SLC35F3: variants seen among roughly 807,000 people sequenced by gnomAD.
The protein encoded by SLC35F3 is putative thiamine transporter SLC35F3.
In SLC35F3, 25 loss-of-function variants were observed where a neutral mutation model predicts 49.9. That is an observed-to-expected ratio of 0.50 (90% confidence interval 0.37 to 0.70). The LOEUF (loss-of-function observed/expected upper bound fraction) is 0.70, where lower values mean the gene tolerates loss of function less well. Ranked by LOEUF, SLC35F3 falls within the 30% of genes least tolerant of loss-of-function variation. The pLI is 0.00. For missense variants in SLC35F3, 525 were observed against 639.8 expected (o/e 0.82, Z 1.94); for synonymous variants, 275 against 265.4 (o/e 1.04, Z -0.35).
chr1:234,163,976 A>G (rs1255735401), intron 2 of SLC35F3, among the ~76,000 whole-genome samples: 3 of 150,826 alleles, frequency 2.0e-5, no homozygotes, highest in Non-Finnish European at 4.4e-5. Flanking sequence ...CTCAAAATAA[A>G]ATAGAAGAAA....
intron 2 of SLC35F3, among the ~76,000 whole-genome samples, chr1:234,200,276 T>C (rs1666883854): frequency 6.6e-6 from 1 of 152,370 alleles, no homozygotes; most frequent in East Asian, 1.9e-4. Context: ...TATATCTTCT[T>C]TGGGGAAATA....
At chr1:234,278,317 C>A (rs888246957) in intron 3 of SLC35F3, among the ~76,000 whole-genome samples, 1 of 152,130 alleles carries the variant, frequency 6.6e-6, no homozygotes, top group Admixed American at 6.5e-5. Flanking sequence ...TAGTGAAACC[C>A]CATTGCTACC....
At chr1:234,264,646 G>A (rs1667954498) in intron 3 of SLC35F3, among the ~76,000 whole-genome samples, 1 of 152,142 alleles carries the variant, frequency 6.6e-6, no homozygotes, top group African/African-American at 2.4e-5. Context: ...CTCAAACTCT[G>A]GGGCGGAAAT....
intron 2 of SLC35F3, among the ~76,000 whole-genome samples, chr1:234,022,486 C>T (rs546460388): frequency 6.6e-6 from 1 of 152,192 alleles, no homozygotes; most frequent in East Asian, 1.9e-4. Context: ...TCCTCAAGGC[C>T]TTCAACTGAT....
Position 234,239,899 on chromosome 1 carries a change from A to G in SLC35F3, c.608+8158A>G, listed in dbSNP as rs1667527782. 3.3e-5 allele frequency among the ~76,000 whole-genome samples: 5 copies of G among 152,334 alleles called. No homozygotes were observed. In the South Asian group the frequency reaches 1.0e-3, roughly 32 times the overall value. Reference sequence around the variant, plus strand: ...GAAAAAAATGGAGACTTTAATTCCCACTTCCAAAGGTCACTGTGGGATTGA... The same window carrying G: ...GAAAAAAATGGAGACTTTAATTCCCGCTTCCAAAGGTCACTGTGGGATTGA... On this transcript the variant is annotated intron_variant, in intron 3 of 7. Transcript: ENST00000366618.
At chr1:234,241,916 A>C (rs1043467591) in intron 3 of SLC35F3, among the ~76,000 whole-genome samples, 13 of 152,108 alleles carry the variant, frequency 8.5e-5, no homozygotes, top group African/African-American at 3.1e-4. Flanking sequence ...ATTGCTGTTC[A>C]TCATCCAGTC....
At chr1:234,151,263 A>T (rs1666072588) in intron 2 of SLC35F3, among the ~76,000 whole-genome samples, 2 of 152,110 alleles carry the variant, frequency 1.3e-5, no homozygotes, top group African/African-American at 4.8e-5. Flanking sequence ...TATCAGAAAA[A>T]AAAAAACAGA....
At chr1:233,948,434 C>T (rs998263149) in intron 2 of SLC35F3, among the ~76,000 whole-genome samples, 1 of 151,890 alleles carries the variant, frequency 6.6e-6, no homozygotes, top group African/African-American at 2.4e-5. Context: ...CAGCGTCTTC[C>T]CAAGCGAAGG....
chr1:234,016,259 A>C (rs1469197306), intron 2 of SLC35F3, among the ~76,000 whole-genome samples: 1 of 152,204 alleles, frequency 6.6e-6, no homozygotes, highest in Non-Finnish European at 1.5e-5. Context: ...AAAAAGTTAA[A>C]AATAGAATTA....
chr1:234,160,093 A>G (rs952984578), intron 2 of SLC35F3, among the ~76,000 whole-genome samples: 1 of 152,234 alleles, frequency 6.6e-6, no homozygotes, highest in Non-Finnish European at 1.5e-5. Flanking sequence ...ATAAAGTCCT[A>G]TATTTCTCCA....
chr1:233,960,356 T>A (rs1408144551), intron 2 of SLC35F3, among the ~76,000 whole-genome samples: 1 of 152,124 alleles, frequency 6.6e-6, no homozygotes, highest in Non-Finnish European at 1.5e-5. Flanking sequence ...ACATTAAACA[T>A]GTCTTTTTCT....
intron 2 of SLC35F3, among the ~76,000 whole-genome samples, chr1:234,109,669 A>G (rs1198621368): frequency 6.6e-6 from 1 of 152,190 alleles, no homozygotes; most frequent in African/African-American, 2.4e-5. Flanking sequence ...GGACTGTTCT[A>G]GGCAACAGGA....
At chr1:234,209,033 G>T (rs1365685292) in intron 2 of SLC35F3, among the ~76,000 whole-genome samples, 1 of 152,160 alleles carries the variant, frequency 6.6e-6, no homozygotes. Flanking sequence ...AGTCAGCCCA[G>T]TTCCTTTTCC....
At chr1:234,089,731 G>A (rs1317110090) in intron 2 of SLC35F3, among the ~76,000 whole-genome samples, 1 of 152,134 alleles carries the variant, frequency 6.6e-6, no homozygotes, top group Non-Finnish European at 1.5e-5. Context: ...TAGGAGGAGA[G>A]GCAGTTCGCC....
At chr1:234,080,278 T>TAATTATTACA (rs1664855834) in intron 2 of SLC35F3, among the ~76,000 whole-genome samples, 3 of 152,208 alleles carry the variant, frequency 2.0e-5, no homozygotes, top group Admixed American at 2.0e-4. Flanking sequence ...TGGGAGGGCA[T>TAATTATTACA]GGAAGCTCCA....
At chr1:234,092,604 A>G (rs1239621396) in intron 2 of SLC35F3, among the ~76,000 whole-genome samples, 1 of 152,210 alleles carries the variant, frequency 6.6e-6, no homozygotes, top group African/African-American at 2.4e-5. Context: ...ATGGCAGTTC[A>G]CACCTGTAAT....
At chr1:234,108,928 G>A (rs1301082399) in intron 2 of SLC35F3, among the ~76,000 whole-genome samples, 1 of 151,314 alleles carries the variant, frequency 6.6e-6, no homozygotes. Flanking sequence ...CAGTCGTTCT[G>A]ATCATTTATG....
intron 3 of SLC35F3, among the ~76,000 whole-genome samples, chr1:234,308,231 A>C (rs1296054066): frequency 3.3e-5 from 5 of 152,308 alleles, no homozygotes; most frequent in African/African-American, 4.8e-5. Flanking sequence ...CACTATTTGT[A>C]TCATAGCCAA....
chr1:234,234,978 A>G (rs1489227624), intron 3 of SLC35F3, among the ~76,000 whole-genome samples: 1 of 152,118 alleles, frequency 6.6e-6, no homozygotes, highest in African/African-American at 2.4e-5. Flanking sequence ...TTTGTTCGTG[A>G]GCTGCCTTGT....
Sources: allele counts gnomAD v4.1 joint callset (sites outside exome capture counted in the v4.1 genomes callset), GRCh38; gene constraint gnomAD v4.1.1; transcripts MANE v1.5; gene names NCBI Gene and HGNC (gene_info 2026-07-23, HGNC 2026-07-21).